Variants in IGDCC4 observed in about 807,000 individuals in gnomAD.
IGDCC4 encodes the protein likely ortholog of mouse neighbor of Punc E11.
Under a neutral mutation model 116.6 loss-of-function variants are expected in IGDCC4, and 72 were observed. That is an observed-to-expected ratio of 0.62 (90% CI 0.51 to 0.75). The LOEUF (loss-of-function observed/expected upper bound fraction) is 0.75. Ranked by LOEUF, IGDCC4 falls within the 30% of genes least tolerant of loss-of-function variation. IGDCC4 has a pLI of 0.00. For synonymous variants in IGDCC4, 709 were observed against 719.9 expected (o/e 0.98, Z 0.24); for missense variants, 1,501 against 1,662.4 (o/e 0.90, Z 1.69).
At chr15:65,390,435 C>T in intron 12 of IGDCC4, 97 bp from the exon 13 acceptor site, 1 of 1,001,542 alleles carries the variant, frequency 1.0e-6, no homozygotes, top group Non-Finnish European at 1.4e-6. Context: ...TTCTTTGACC[C>T]ACTCCTTTGA....
intron 1 of IGDCC4, among the ~76,000 whole-genome samples, chr15:65,414,627 A>C (rs2063126459): frequency 1.3e-5 from 2 of 152,226 alleles, no homozygotes; most frequent in South Asian, 4.1e-4. Flanking sequence ...ACATCACTCA[A>C]GGAATGGGAG....
In IGDCC4 at chr15:65,411,194, C is replaced by T. The variant is rs200716111; in HGVS notation, c.247G>A (p.Asp83Asn). ...SKDGDTLLEHDHLHLLPNGSL... is the reference protein window; with the variant it reads ...SKDGDTLLEHNHLHLLPNGSL... ...CCATTGGGCAGCAGGTGTAAGTGGT[C>T]GTGCTCCAGCAGGGTGTCCCCATCC... is the stretch of plus-strand genomic sequence containing the variant. Residue 83 changes from aspartate (D) to asparagine (N), a missense_variant, in exon 2 of 20, where the codon GAC becomes AAC. Physicochemically the swap from Asp to Asn is conservative, Grantham distance 23 (BLOSUM62 1). Coordinates refer to ENST00000352385, the MANE Select transcript of IGDCC4 (RefSeq NM_020962.3). 22 of 1,614,172 alleles carry T rather than the reference C, an allele frequency of 1.4e-5. No homozygotes were observed. The African/African-American group carries it at 1.9e-4, about 14-fold the overall frequency.
Position 65,384,539 on chromosome 15 carries a change from C to G in IGDCC4, c.3343-120G>C, listed in dbSNP as rs373667606. 4.1e-6 allele frequency: 4 copies of G among 981,776 alleles called. No individual in the cohort carries two copies. Among genetic ancestry groups the G allele is most frequent in the East Asian group, 2.6e-5 (1 of 38,592 alleles). 60.8% of individuals were successfully genotyped at this position (981,776 alleles called of 1,614,324 possible). On this transcript the variant is annotated intron_variant, in intron 19 of 19. Transcript: ENST00000352385. This position sits in a 1 kb window ranked among gnomAD's most constrained non-coding sequence, Gnocchi z 4.9. The stretch of plus-strand genomic sequence containing the variant: ...ATCAGAGTAAGTATCACATGGGAGT[C>G]GGTGAAGGATACACAGGAACTGTTC...
At position 65,396,404 on chromosome 15, in the gene IGDCC4, C is replaced by A. The variant is rs182519437; in HGVS notation, c.998-241G>T. On this transcript the variant is annotated intron_variant, in intron 6 of 19. Coordinates refer to ENST00000352385, the MANE Select transcript of IGDCC4 (RefSeq NM_020962.3). ...TTCTCTCCCAAAACTGTCCCCAGGC[C>A]TCCTCAGCCTCCCCTAAATATTGCT... is the stretch of plus-strand genomic sequence containing the variant. The A allele has an allele frequency of 1.2e-3, 779 of 672,236 alleles. 4 individuals are homozygous for A. The African/African-American group carries it at 0.012, about 11-fold the overall frequency. The allele number at this position is 672,236 out of a possible 1,614,324, so 41.6% of individuals were successfully genotyped here. A position where few individuals can be genotyped will look rare whatever the true frequency, so the allele number is the denominator to read the frequency against.
At chr15:65,414,451 C>T (rs951566716) in intron 1 of IGDCC4, among the ~76,000 whole-genome samples, 7 of 152,228 alleles carry the variant, frequency 4.6e-5, no homozygotes, top group African/African-American at 1.7e-4. Flanking sequence ...AGCTTTTGAC[C>T]TTGGGGAAGA....
At chr15:65,422,216 T>A (rs1237620748) in intron 1 of IGDCC4, among the ~76,000 whole-genome samples, 1 of 151,954 alleles carries the variant, frequency 6.6e-6, no homozygotes, top group Non-Finnish European at 1.5e-5. Context: ...TGTTGTTTTA[T>A]CACCACCACC....
At chr15:65,411,426 C>A in intron 1 of IGDCC4, 56 bp from the exon 2 acceptor site, 2 of 1,427,654 alleles carry the variant, frequency 1.4e-6, no homozygotes, top group South Asian at 1.5e-5. Context: ...CTCCCACAGC[C>A]TCTGCTCCTG....
rs2091450528 is a variant in IGDCC4 at position 65,385,849 on chromosome 15, C to G, written c.3162G>C (p.Arg1054=). The G allele has an allele frequency of 6.2e-7, 1 of 1,612,574 alleles. No individual in the cohort carries two copies. Among genetic ancestry groups the G allele is most frequent in the Non-Finnish European group, 8.5e-7 (1 of 1,179,954 alleles). ...GACTTACCTTTCTTTTGGAGTGACT[C>G]CGGCCTTCAGAAACACCGCCACCCA... is the stretch of plus-strand genomic sequence containing the variant. The part of the protein sequence containing the change: ...SLMGGGVSEG[R]SHSKRKISWA... Residue 1054 remains arginine (R), a synonymous_variant, in exon 18 of 20, where the codon CGG becomes CGC. Coordinates refer to ENST00000352385, the MANE Select transcript of IGDCC4 (RefSeq NM_020962.3).
At chr15:65,402,038 C>T (rs893215690) in intron 4 of IGDCC4, among the ~76,000 whole-genome samples, 4 of 152,138 alleles carry the variant, frequency 2.6e-5, no homozygotes, top group South Asian at 2.1e-4. Flanking sequence ...GCACTGACAC[C>T]GCCTCAGATG....
At chr15:65,395,304 G>C in intron 7 of IGDCC4, 46 bp from the exon 8 acceptor site, 1 of 1,565,502 alleles carries the variant, frequency 6.4e-7, no homozygotes, top group Non-Finnish European at 8.7e-7. Flanking sequence ...CCACCCCCCC[G>C]TGCTGGCTAG....
Position 65,402,595 on chromosome 15 carries a change from G to A in IGDCC4, c.564-108C>T, listed in dbSNP as rs767143107. 2.2e-4 allele frequency: 307 copies of A among 1,396,620 alleles called. 1 individual carries two copies. The highest frequency in any genetic ancestry group is 2.7e-4 in the Non-Finnish European group (278 of 1,037,428). 86.5% of individuals were successfully genotyped at this position (1,396,620 alleles called of 1,614,324 possible). On this transcript the variant is annotated intron_variant, in intron 3 of 19. Coordinates refer to ENST00000352385, the MANE Select transcript of IGDCC4 (RefSeq NM_020962.3). ...AAAACTCTAAGATACCAGGCTGGGCGCAGTGGCTCACGCCTATAATCCCAG... is the reference window on the plus strand; with the variant it reads ...AAAACTCTAAGATACCAGGCTGGGCACAGTGGCTCACGCCTATAATCCCAG...
chr15:65,411,985 A>G (rs989320349), intron 1 of IGDCC4, among the ~76,000 whole-genome samples: 3 of 152,248 alleles, frequency 2.0e-5, no homozygotes, highest in Admixed American at 2.0e-4. Context: ...TGAATTTTGT[A>G]GTACGTGAAT....
At chr15:65,390,418 A>G in intron 12 of IGDCC4, 80 bp from the exon 13 acceptor site, 4 of 1,222,834 alleles carry the variant, frequency 3.3e-6, no homozygotes, top group Non-Finnish European at 4.4e-6. Flanking sequence ...ACAGTTCCCA[A>G]GGCTGTTTCT....
In IGDCC4 at chr15:65,383,738, C is replaced by T. The variant is rs925856729; in HGVS notation, c.*271G>A. 31 of 354,854 alleles carry T rather than the reference C, an allele frequency of 8.7e-5. No homozygotes were observed. Among genetic ancestry groups the T allele is most frequent in the African/African-American group, 6.3e-4 (30 of 47,776 alleles). The allele number at this position is 354,854 out of a possible 1,614,324, so 22.0% of individuals were successfully genotyped here. On this transcript the variant is annotated 3_prime_UTR_variant, in exon 20 of 20. Transcript: ENST00000352385. The stretch of plus-strand genomic sequence containing the variant: ...CTGCCTGGGCCACGGTTTCCCAGCT[C>T]AACAACCAGTACGCATACATGCACT...
chr15:65,396,225 CCAGTACCCCAAGCCTG>C, intron 6 of IGDCC4, 62 bp from the exon 7 acceptor site: 2 of 1,383,494 alleles, frequency 1.4e-6, no homozygotes, highest in Admixed American at 2.5e-5. Context: ...TGCCCCCCCC[CCAGTACCCCAAGCCTG>C]CCCCCCACCG....
At chr15:65,397,784 C>A (rs2140210819) in intron 5 of IGDCC4, among the ~76,000 whole-genome samples, 1 of 152,258 alleles carries the variant, frequency 6.6e-6, no homozygotes, top group African/African-American at 2.4e-5. Flanking sequence ...GGAGCTTCAC[C>A]TAGGCCTTGA....
At chr15:65,420,780 T>A (rs995290943) in intron 1 of IGDCC4, among the ~76,000 whole-genome samples, 4 of 152,174 alleles carry the variant, frequency 2.6e-5, no homozygotes, top group Non-Finnish European at 4.4e-5. Context: ...GCTAACTCCA[T>A]GTCGAGCTCT....
Position 65,393,580 on chromosome 15 carries a change from G to A in IGDCC4, c.1715-49C>T, listed in dbSNP as rs1357589938. Reference sequence around the variant, plus strand: ...TGCTGGGTAGCCACCTGAGGAACAGGATCCTAAACCCCCCTACATGGCTCT... The same window carrying A: ...TGCTGGGTAGCCACCTGAGGAACAGAATCCTAAACCCCCCTACATGGCTCT... On this transcript the variant is annotated intron_variant, in intron 9 of 19. Coordinates refer to ENST00000352385, the MANE Select transcript of IGDCC4 (RefSeq NM_020962.3). The surrounding 1 kb of genome is among the most constrained non-coding windows in gnomAD (Gnocchi z 4.6). 3.2e-6 allele frequency: 5 copies of A among 1,540,226 alleles called. No homozygotes were observed. The highest frequency in any genetic ancestry group is 1.8e-4 in the Middle Eastern group (1 of 5,508).
At position 65,414,335 on chromosome 15, in the gene IGDCC4, G is replaced by A. The variant is rs575178336; in HGVS notation, c.71-2965C>T. Among the ~76,000 whole-genome samples the A allele has an allele frequency of 3.0e-4, 45 of 152,302 alleles. No individual in the cohort carries two copies. The East Asian group carries it at 3.7e-3, about 12-fold the overall frequency. ...CACAACTAGTCTCAGCAGTACTCGC[G>A]GGCTCAGCAGGGAGAAGCAGCCCCT... On this transcript the variant is annotated intron_variant, in intron 1 of 19. Transcript: ENST00000352385.
Sources: gnomAD v4.1 joint callset for allele counts (sites outside exome capture counted in the v4.1 genomes callset) on GRCh38, gnomAD v4.1.1 for gene constraint, Gnocchi (gnomAD v3.1) non-coding constraint, MANE v1.5 for transcripts, NCBI Gene and HGNC (gene_info 2026-07-23, HGNC 2026-07-21) for gene names.